ZNF713: variants seen among roughly 807,000 people sequenced by gnomAD.
ZNF713 encodes the protein zinc finger protein 713.
A neutral mutation model predicts 28.7 loss-of-function variants in ZNF713; 21 were observed. That is an observed-to-expected ratio of 0.73 (90% CI 0.52 to 1.05). ZNF713 has a LOEUF of 1.05. ZNF713 is among the 50% of genes least tolerant of loss of function. The pLI is 0.00. For synonymous variants in ZNF713, 167 were observed against 178.0 expected (o/e 0.94, Z 0.49); for missense variants, 458 against 532.4 (o/e 0.86, Z 1.37).
At chr7:55,900,968 G>T (rs1785564786) in intron 1 of ZNF713, among the ~76,000 whole-genome samples, 1 of 152,144 alleles carries the variant, frequency 6.6e-6, no homozygotes, top group Non-Finnish European at 1.5e-5. Flanking sequence ...ACTGCGTCTT[G>T]CTGATAATGC....
chr7:55,931,580 C>A (rs1288409906), intron 6 of ZNF713, among the ~76,000 whole-genome samples: 1 of 147,314 alleles, frequency 6.8e-6, no homozygotes, highest in Non-Finnish European at 1.5e-5. Flanking sequence ...CTTCTTCTCT[C>A]CCTCCTTCTT....
At chr7:55,909,005 G>T (rs1431663389) in intron 2 of ZNF713, among the ~76,000 whole-genome samples, 1 of 151,798 alleles carries the variant, frequency 6.6e-6, no homozygotes, top group Non-Finnish European at 1.5e-5. Flanking sequence ...AGACCATCCT[G>T]GCCAACATGG....
rs1435465147 is a variant in ZNF713 at position 55,887,859 on chromosome 7, GGCGGGCGGCGGC to G, written c.-583+181_-583+192del. Among the ~76,000 whole-genome samples the G allele has an allele frequency of 3.6e-3, 63 of 17,362 alleles. 17 individuals are homozygous for G. Among genetic ancestry groups the G allele is most frequent in the South Asian group, 0.013 (6 of 478 alleles). 11.4% of individuals were successfully genotyped at this position (17,362 alleles called of 152,430 possible). ...GCGGCGGGCGGCGGCGGCGGCGGGC[GGCGGGCGGCGGC>G]GGCGGCGGCGGCGGCGGGCGGCGGC... On this transcript the variant is annotated intron_variant, in intron 1 of 6. Coordinates refer to ENST00000429591, the MANE Select transcript of ZNF713 (RefSeq NM_182633.3).
chr7:55,899,550 GT>G (rs1219682779), intron 1 of ZNF713, among the ~76,000 whole-genome samples: 1 of 150,666 alleles, frequency 6.6e-6, no homozygotes, highest in Non-Finnish European at 1.5e-5. Flanking sequence ...GCAGGCACCT[GT>G]AATCCCAGCT....
rs1785301553 is a variant in ZNF713 at position 55,887,871 on chromosome 7, CGGCGGCGGCGGCGGCGGGCGG to C, written c.-583+192_-583+212del. Among the ~76,000 whole-genome samples, 5 of 2,740 alleles carry C rather than the reference CGGCGGCGGCGGCGGCGGGCGG, an allele frequency of 1.8e-3. No homozygotes were observed. The South Asian group carries it at 0.035, about 19-fold the overall frequency. The allele number at this position is 2,740 out of a possible 152,430, so 1.8% of individuals were successfully genotyped here. ...GGCGGCGGCGGGCGGCGGGCGGCGG[CGGCGGCGGCGGCGGCGGGCGG>C]CGGCGGCGGCGGGAGGCGGCAGGTG... is the stretch of plus-strand genomic sequence containing the variant. On this transcript the variant is annotated intron_variant, in intron 1 of 6. Transcript: ENST00000429591.
intron 2 of ZNF713, among the ~76,000 whole-genome samples, chr7:55,910,726 C>T (rs1383886936): frequency 6.6e-6 from 1 of 152,078 alleles, no homozygotes; most frequent in African/African-American, 2.4e-5. Flanking sequence ...AAACTCCTGG[C>T]CTCACGTGAT....
At chr7:55,926,674 AT>A (rs1177600372) in intron 6 of ZNF713, among the ~76,000 whole-genome samples, 1 of 152,200 alleles carries the variant, frequency 6.6e-6, no homozygotes, top group African/African-American at 2.4e-5. Flanking sequence ...GACCTGGAAA[AT>A]ACCCAGTAGA....
At chr7:55,895,377 A>G (rs2116169404) in intron 1 of ZNF713, among the ~76,000 whole-genome samples, 1 of 150,880 alleles carries the variant, frequency 6.6e-6, no homozygotes, top group Non-Finnish European at 1.5e-5. Context: ...GATCGGGAAT[A>G]TGATAGAAGA....
chr7:55,897,037 T>C (rs544598177), intron 1 of ZNF713, among the ~76,000 whole-genome samples: 3 of 152,262 alleles, frequency 2.0e-5, no homozygotes, highest in African/African-American at 2.4e-5. Context: ...TCTATAGATA[T>C]AAGCAAATAA....
At chr7:55,894,804 A>G (rs1045629059) in intron 1 of ZNF713, among the ~76,000 whole-genome samples, 8 of 152,248 alleles carry the variant, frequency 5.3e-5, no homozygotes, top group African/African-American at 1.9e-4. Context: ...TTATGAATCT[A>G]TTAAGAAAAT....
chr7:55,916,869 C>G (rs778949739), intron 4 of ZNF713, among the ~76,000 whole-genome samples: 2 of 152,072 alleles, frequency 1.3e-5, no homozygotes, highest in Admixed American at 6.6e-5. Flanking sequence ...TTATAACTTT[C>G]ACCAAAGAAA....
In ZNF713 at chr7:55,929,624, G is replaced by A. The variant is rs185950632; in HGVS notation, c.307+5925G>A. 6.7e-3 allele frequency among the ~76,000 whole-genome samples: 1,011 copies of A among 151,840 alleles called. 7 individuals are homozygous for A. The highest frequency in any genetic ancestry group is 0.01 in the Non-Finnish European group (697 of 67,912). On this transcript the variant is annotated intron_variant, in intron 6 of 6. Coordinates refer to ENST00000429591, the MANE Select transcript of ZNF713 (RefSeq NM_182633.3). ...TCTGGAAGAGGCTGGGTGCAGTGGC[G>A]CACACCTGTAGTCCCAGCTACTCAG... is the stretch of plus-strand genomic sequence containing the variant.
At chr7:55,908,132 G>GTTGTTTTT (rs1785717405) in intron 2 of ZNF713, among the ~76,000 whole-genome samples, 1 of 110,980 alleles carries the variant, frequency 9.0e-6, no homozygotes, top group Non-Finnish European at 1.8e-5. Flanking sequence ...AACATCCGTT[G>GTTGTTTTT]TTGTTTTTTT....
intron 1 of ZNF713, among the ~76,000 whole-genome samples, chr7:55,894,093 C>T (rs1376921560): frequency 1.3e-5 from 2 of 152,244 alleles, no homozygotes; most frequent in African/African-American, 4.8e-5. Flanking sequence ...GACCTTCACT[C>T]TCCAGCCCTT....
chr7:55,909,305 G>T (rs189941256), intron 2 of ZNF713, among the ~76,000 whole-genome samples: 31 of 151,724 alleles, frequency 2.0e-4, no homozygotes, highest in African/African-American at 6.8e-4. Context: ...CTTTCCCCAT[G>T]TATATTTTTG....
intron 6 of ZNF713, among the ~76,000 whole-genome samples, chr7:55,932,719 C>T (rs1327149832): frequency 2.1e-5 from 3 of 144,772 alleles, no homozygotes; most frequent in Non-Finnish European, 4.5e-5. Flanking sequence ...CCCGTCTCTA[C>T]TAAAAATACA....
chr7:55,887,857 GCGGCGGGCGGCGGCGGCGGCGGCGGCGGC>G (rs1562731788), intron 1 of ZNF713, among the ~76,000 whole-genome samples, 177 bp downstream of exon 1: 2,255 of 19,714 alleles, frequency 0.11, 671 homozygotes, highest in African/African-American at 0.43. Context: ...GCGGCGGCGG[GCGGCGGGCGGCGGCGGCGGCGGCGGCGGC>G]GGGCGGCGGC....
At chr7:55,908,597 G>GT (rs900354998) in intron 2 of ZNF713, among the ~76,000 whole-genome samples, 46 of 146,552 alleles carry the variant, frequency 3.1e-4, no homozygotes, top group Middle Eastern at 3.5e-3. Context: ...TTTTTGATGG[G>GT]TTTTTTTTTT....
Position 55,887,697 on chromosome 7 carries a change from AGGAGGCGGAGGCG to A in ZNF713, c.-583+33_-583+45del, listed in dbSNP as rs1785274948. 6 of 84,550 alleles carry A rather than the reference AGGAGGCGGAGGCG, an allele frequency of 7.1e-5. 2 individuals are homozygous for A. Among genetic ancestry groups the A allele is most frequent in the Non-Finnish European group, 1.2e-4 (5 of 40,174 alleles). The allele number at this position is 84,550 out of a possible 1,614,324, so 5.2% of individuals were successfully genotyped here. A position where few individuals can be genotyped will look rare whatever the true frequency, so the allele number is the denominator to read the frequency against. ...TCTGCGGAGGTGAGTGCGCGCCGGG[AGGAGGCGGAGGCG>A]GGAGGCGGAGGCGGGGGGCGGAGGC... On this transcript the variant is annotated intron_variant, in intron 1 of 6. Coordinates refer to ENST00000429591, the MANE Select transcript of ZNF713 (RefSeq NM_182633.3).
Sources: gnomAD v4.1 joint callset for allele counts (sites outside exome capture counted in the v4.1 genomes callset) on GRCh38, gnomAD v4.1.1 for gene constraint, MANE v1.5 for transcripts, NCBI Gene and HGNC (gene_info 2026-07-23, HGNC 2026-07-21) for gene names.